The following SAXO5 variants were observed in gnomAD, a reference collection of about 807,000 sequenced individuals.
SAXO5 encodes the protein stabilizer of axonemal microtubules 5, also known as testis expressed 45.
At chr19:7,500,754 G>T in the SAXO5 span, 1 of 1,348,972 alleles carries the variant, frequency 7.4e-7, no homozygotes, top group Non-Finnish European at 9.6e-7. Context: ...GGAGTCAAAG[G>T]CAAGTGCCCC....
the SAXO5 span, chr19:7,507,188 T>A: frequency 2.0e-6 from 3 of 1,507,160 alleles, no homozygotes; most frequent in South Asian, 1.1e-5. Flanking sequence ...AACCCCCACA[T>A]TGGTGTAGAG....
At chr19:7,505,266 G>A in the SAXO5 span, 3 of 1,537,832 alleles carry the variant, frequency 2.0e-6, no homozygotes, top group East Asian at 2.3e-5. Context: ...TACAGGGGTG[G>A]GCCACCATGC....
the SAXO5 span, among the ~76,000 whole-genome samples, chr19:7,497,920 G>A: frequency 6.6e-6 from 1 of 152,084 alleles, no homozygotes; most frequent in African/African-American, 2.4e-5. Context: ...GGAGGCCGAG[G>A]AGGGTGGATC....
chr19:7,503,844 G>A, the SAXO5 span, among the ~76,000 whole-genome samples: 1 of 152,140 alleles, frequency 6.6e-6, no homozygotes. Context: ...TGCCCAAGCT[G>A]GTCTCCAGCT....
At chr19:7,507,503 C>T in the SAXO5 span, among the ~76,000 whole-genome samples, 2 of 151,836 alleles carry the variant, frequency 1.3e-5, no homozygotes, top group South Asian at 4.1e-4. Context: ...TTGCTTGAAC[C>T]AGGGAGGCAG....
chr19:7,504,198 G>A, the SAXO5 span: 2 of 1,614,136 alleles, frequency 1.2e-6, no homozygotes, highest in Non-Finnish European at 1.7e-6. Flanking sequence ...GGCCCTGCCA[G>A]GCCCACCTGC....
At chr19:7,506,931 C>A in the SAXO5 span, 1 of 696,658 alleles carries the variant, frequency 1.4e-6, no homozygotes, top group African/African-American at 1.8e-5. Context: ...ATCCATTTTT[C>A]TCCCCTGGTC....
chr19:7,498,154 AACACACACACACACATACACACACACAC>A, the SAXO5 span, among the ~76,000 whole-genome samples: 3 of 133,562 alleles, frequency 2.2e-5, no homozygotes, highest in South Asian at 2.3e-4. Flanking sequence ...GTTTCATTAA[AACACACACACACACATACACACACACAC>A]ACACACACAC....
chr19:7,501,134 C>G, the SAXO5 span: 2 of 1,507,688 alleles, frequency 1.3e-6, no homozygotes, highest in Admixed American at 2.1e-5. Flanking sequence ...CGCGGGAACG[C>G]ACGCTCGCCA....
the SAXO5 span, chr19:7,508,118 C>A: frequency 2.7e-6 from 3 of 1,113,492 alleles, no homozygotes; most frequent in South Asian, 1.4e-5. Flanking sequence ...CGCCCCCTGA[C>A]TCATCAGGCC....
At chr19:7,497,878 C>T in the SAXO5 span, among the ~76,000 whole-genome samples, 2 of 152,036 alleles carry the variant, frequency 1.3e-5, no homozygotes, top group African/African-American at 2.4e-5. Flanking sequence ...CAGCCAGGCG[C>T]GGTGGCTCAT....
the SAXO5 span, among the ~76,000 whole-genome samples, chr19:7,504,837 A>C: frequency 2.0e-5 from 3 of 151,856 alleles, no homozygotes; most frequent in Admixed American, 2.0e-4. Context: ...GGTCTCTGTC[A>C]CTGGTAGCCA....
chr19:7,508,203 CA>C, the SAXO5 span: 1 of 1,612,786 alleles, frequency 6.2e-7, no homozygotes, highest in Non-Finnish European at 8.5e-7. Context: ...CCTGTCTCCA[CA>C]GTGCAAGTAC....
At chr19:7,501,549 C>T in the SAXO5 span, 1 of 950,988 alleles carries the variant, frequency 1.1e-6, no homozygotes, top group Non-Finnish European at 1.4e-6. Context: ...TGGCCGGGCG[C>T]GGTGGCTCAA....
the SAXO5 span, among the ~76,000 whole-genome samples, chr19:7,503,952 A>T: frequency 6.6e-6 from 1 of 152,034 alleles, no homozygotes; most frequent in Non-Finnish European, 1.5e-5. Flanking sequence ...AATTTATTTT[A>T]TTTTTATTTT....
the SAXO5 span, chr19:7,505,764 G>A: frequency 6.2e-6 from 6 of 975,284 alleles, no homozygotes; most frequent in East Asian, 5.2e-5. Flanking sequence ...GATCTAGGGC[G>A]AGTCACTTAA....
At chr19:7,499,549 T>C in the SAXO5 span, 2 of 152,528 alleles carry the variant, frequency 1.3e-5, no homozygotes, top group African/African-American at 4.8e-5. Flanking sequence ...GACGCGGTTC[T>C]TGTATCAGAC....
At chr19:7,507,740 G>C in the SAXO5 span, among the ~76,000 whole-genome samples, 1 of 151,932 alleles carries the variant, frequency 6.6e-6, no homozygotes, top group Non-Finnish European at 1.5e-5. Context: ...GTCCTTCCAG[G>C]GACACCCCTG....
the SAXO5 span, among the ~76,000 whole-genome samples, chr19:7,498,456 G>A: frequency 1.3e-5 from 2 of 149,420 alleles, no homozygotes; most frequent in Non-Finnish European, 3.0e-5. Context: ...GAGTGCAATG[G>A]CGCAATCTTG....
Sources: gnomAD v4.1 joint callset for allele counts (sites outside exome capture counted in the v4.1 genomes callset) on GRCh38, gnomAD v4.1.1 for gene constraint, MANE v1.5 for transcripts, NCBI Gene and HGNC (gene_info 2026-07-23, HGNC 2026-07-21) for gene names.